The following TENM1 variants were observed in gnomAD, a reference collection of about 807,000 sequenced individuals.
TENM1 encodes teneurin transmembrane protein 1.
TENM1 carries 35 observed loss-of-function variants against 174.8 expected under a neutral mutation model. The ratio of observed to expected loss-of-function variants is 0.20; its 90% CI spans 0.15 to 0.27. The LOEUF (loss-of-function observed/expected upper bound fraction) is 0.27, where lower values mean the gene tolerates loss of function less well. Ranked by LOEUF, TENM1 falls within the 10% of genes least tolerant of loss-of-function variation. The pLI is 1.00. For synonymous variants in TENM1, 781 were observed against 798.7 expected, an observed-to-expected ratio of 0.98 and a Z score of 0.37; for missense variants, 1,633 against 2,130.1, an observed-to-expected ratio of 0.77 and a Z score of 4.59.
Position 124,386,117 on chromosome X carries a change from G to A in TENM1, c.5689-53C>T. 4.6e-6 allele frequency: 5 copies of A among 1,075,979 alleles called. No homozygotes were observed. In the South Asian group the frequency reaches 6.4e-5, roughly 14 times the overall value. 88.7% of individuals were successfully genotyped at this position (1,075,979 alleles called of 1,213,427 possible). ...TATTATGGACAACTAAAGTTGAGGC[G>A]ACTAAAGAAAATACACATTCATCCA... On this transcript the variant is annotated intron_variant, in intron 28 of 31. Coordinates refer to ENST00000422452, the Ensembl canonical transcript of TENM1.
intron 1 of TENM1, among the ~76,000 whole-genome samples, chrX:124,916,776 TTCTC>T (rs376505358): frequency 5.0e-4 from 51 of 101,912 alleles, no homozygotes; most frequent in East Asian, 1.5e-3. Context: ...TTCACCCCCT[TTCTC>T]TCTCTCTCTC....
At chrX:124,958,540 G>A (rs764736283) in intron 1 of TENM1, among the ~76,000 whole-genome samples, 10 of 111,420 alleles carry the variant, frequency 9.0e-5, no homozygotes, top group Admixed American at 5.7e-4. Flanking sequence ...AACATTTTTT[G>A]AATTCCTGAA....
intron 1 of TENM1, among the ~76,000 whole-genome samples, chrX:124,945,325 A>T (rs2058386358): frequency 9.0e-6 from 1 of 111,490 alleles, no homozygotes; most frequent in South Asian, 3.8e-4. Flanking sequence ...AAGCCACATT[A>T]TGTAGGTCTG....
chrX:124,927,174 C>T (rs1350692672), intron 1 of TENM1, among the ~76,000 whole-genome samples: 2 of 111,668 alleles, frequency 1.8e-5, no homozygotes, highest in Non-Finnish European at 3.8e-5. Flanking sequence ...AAAGAGATAT[C>T]AGAGACACCC....
intron 1 of TENM1, among the ~76,000 whole-genome samples, chrX:124,925,410 G>T (rs1215619723): frequency 9.0e-6 from 1 of 111,361 alleles, no homozygotes; most frequent in Non-Finnish European, 1.9e-5. Context: ...GAATTTAACT[G>T]CCATTATGAA....
intron 5 of TENM1, among the ~76,000 whole-genome samples, chrX:124,686,522 TA>T (rs1439085355): frequency 8.9e-6 from 1 of 111,999 alleles, no homozygotes; most frequent in Non-Finnish European, 1.9e-5. Flanking sequence ...AAATCCTCAA[TA>T]AAATATTGGC....
chrX:124,743,018 A>C (rs1312721991), intron 3 of TENM1, among the ~76,000 whole-genome samples: 3 of 111,684 alleles, frequency 2.7e-5, no homozygotes, highest in Non-Finnish European at 5.7e-5. Flanking sequence ...CTACTAACTC[A>C]AAATGTATGT....
intron 3 of TENM1, among the ~76,000 whole-genome samples, chrX:124,862,203 A>G (rs183334012): frequency 8.9e-6 from 1 of 111,862 alleles, no homozygotes; most frequent in Non-Finnish European, 1.9e-5. Context: ...AAATAGGGGG[A>G]GGATGTGGAG....
chrX:124,750,207 T>G lies in TENM1; in HGVS notation c.536-13010A>C, dbSNP rs150007319. The stretch of plus-strand genomic sequence containing the variant: ...AACAGTAGACCAAGATGGGGAGAGG[T>G]AAGGCTACACAGATGTTAAGGCCTC... On this transcript the variant is annotated intron_variant, in intron 3 of 31. Transcript: ENST00000422452. Among the ~76,000 whole-genome samples, 593 of 111,357 alleles carry G rather than the reference T, an allele frequency of 5.3e-3. 10 individuals are homozygous for G. The highest frequency in any genetic ancestry group is 0.018 in the African/African-American group (556 of 30,664).
intron 4 of TENM1, among the ~76,000 whole-genome samples, chrX:124,729,917 C>A (rs751332727): frequency 9.0e-6 from 1 of 111,202 alleles, no homozygotes; most frequent in Non-Finnish European, 1.9e-5. Context: ...AGTGCAGTGG[C>A]GCGATCTCGG....
intron 1 of TENM1, among the ~76,000 whole-genome samples, chrX:124,962,418 A>G (rs1332870813): frequency 8.9e-6 from 1 of 111,921 alleles, no homozygotes; most frequent in Non-Finnish European, 1.9e-5. Flanking sequence ...TTACACTCTA[A>G]AAAAATTCTC....
At chrX:125,056,778 T>C in the TENM1 span, among the ~76,000 whole-genome samples, 1 of 111,999 alleles carries the variant, frequency 8.9e-6, no homozygotes, top group Non-Finnish European at 1.9e-5. Context: ...ATACAAACAA[T>C]GCTGTCAGTA....
At chrX:124,453,341 G>C in exon 23 of TENM1, 1 of 1,206,575 alleles carries the variant, frequency 8.3e-7, no homozygotes, top group Non-Finnish European at 1.1e-6. Flanking sequence ...GCCTACCTGA[G>C]TGATGTCCAT....
chrX:124,850,450 A>C (rs1383607285), intron 3 of TENM1, among the ~76,000 whole-genome samples: 23 of 111,383 alleles, frequency 2.1e-4, no homozygotes. Flanking sequence ...GTGACTTTTT[A>C]AGTTCATACA....
chrX:125,098,096 T>G, the TENM1 span, among the ~76,000 whole-genome samples: 4 of 111,226 alleles, frequency 3.6e-5, no homozygotes, highest in Non-Finnish European at 7.5e-5. Context: ...ACCCTGTCTC[T>G]ACTAAAAATA....
intron 11 of TENM1, among the ~76,000 whole-genome samples, chrX:124,635,735 G>C (rs1488995933): frequency 8.9e-6 from 1 of 112,415 alleles, no homozygotes; most frequent in African/African-American, 3.2e-5. Flanking sequence ...TTTACAAAAG[G>C]AATATAGCAG....
chrX:124,810,194 AG>A lies in TENM1; in HGVS notation c.536-72998del, dbSNP rs200669320. Among the ~76,000 whole-genome samples the A allele has an allele frequency of 7.7e-4, 86 of 112,031 alleles. 1 individual carries two copies. The highest frequency in any genetic ancestry group is 2.7e-3 in the African/African-American group (84 of 30,889). ...CACTCTCATCTCTTCTATTCAACAT[AG>A]TACTGAAAATTCTATCCAGAATAAT... is the stretch of plus-strand genomic sequence containing the variant. On this transcript the variant is annotated intron_variant, in intron 3 of 31. Coordinates refer to ENST00000422452, the Ensembl canonical transcript of TENM1.
exon 32 of TENM1, chrX:124,380,689 T>C (rs2060146685): frequency 1.7e-6 from 2 of 1,211,925 alleles, no homozygotes; most frequent in Non-Finnish European, 2.2e-6. Flanking sequence ...CTTCTGTCCA[T>C]GCCCTAATCC....
chrX:125,063,781 A>G, the TENM1 span, among the ~76,000 whole-genome samples: 1 of 111,313 alleles, frequency 9.0e-6, no homozygotes, highest in African/African-American at 3.3e-5. Context: ...AACTAGAAAT[A>G]CCATTTGACC....
Sources: allele counts gnomAD v4.1 joint callset (sites outside exome capture counted in the v4.1 genomes callset), GRCh38; gene constraint gnomAD v4.1.1; transcripts MANE v1.5; gene names NCBI Gene and HGNC (gene_info 2026-07-23, HGNC 2026-07-21).